CNTNAP2: variants seen among roughly 807,000 people sequenced by gnomAD.
CNTNAP2 encodes the protein contactin associated protein 2, also known as contactin-associated protein-like 2.
Under a neutral mutation model 155.2 loss-of-function variants are expected in CNTNAP2, and 98 were observed. The observed-to-expected ratio is 0.63, with a 90% CI of 0.54 to 0.75. The LOEUF (loss-of-function observed/expected upper bound fraction) is 0.75, where lower values mean the gene tolerates loss of function less well. Among genes scored for constraint, CNTNAP2 ranks in the 30% least tolerant of loss-of-function variants. The pLI is 0.00. For missense variants in CNTNAP2, 1,727 were observed against 1,688.1 expected (o/e 1.02, Z -0.40); for synonymous variants, 651 against 631.2 (o/e 1.03, Z -0.47).
intron 8 of CNTNAP2, among the ~76,000 whole-genome samples, chr7:147,232,507 G>C (rs1208883093): frequency 6.6e-6 from 1 of 151,850 alleles, no homozygotes; most frequent in Non-Finnish European, 1.5e-5. Flanking sequence ...TACAACAAAA[G>C]AGAGAGCCTA....
chr7:147,022,447 G>A (rs749155459), intron 3 of CNTNAP2, among the ~76,000 whole-genome samples: 1 of 151,998 alleles, frequency 6.6e-6, no homozygotes, highest in Non-Finnish European at 1.5e-5. Context: ...CTATGCAGAA[G>A]TGTTCAGGGT....
chr7:148,321,572 G>T (rs1448438075), intron 21 of CNTNAP2, among the ~76,000 whole-genome samples: 1 of 152,180 alleles, frequency 6.6e-6, no homozygotes, highest in African/African-American at 2.4e-5. Context: ...TACATATATT[G>T]TATCCAAAAT....
In CNTNAP2 at chr7:146,665,783, T is replaced by TA. The variant is rs750837961; in HGVS notation, c.98-108473dup. ...GCTATGGAGTGAGACTCTGTCTCAT[T>TA]AAAAAAAAAAAAAAATACATTTTGT... On this transcript the variant is annotated intron_variant, in intron 1 of 23. Coordinates refer to ENST00000361727, the MANE Select transcript of CNTNAP2 (RefSeq NM_014141.6). Among the ~76,000 whole-genome samples, 142 of 48,294 alleles carry TA rather than the reference T, an allele frequency of 2.9e-3. 24 individuals are homozygous for TA. Among genetic ancestry groups the TA allele is most frequent in the African/African-American group, 3.1e-3 (27 of 8,848 alleles). The allele number at this position is 48,294 out of a possible 152,430, so 31.7% of individuals were successfully genotyped here.
chr7:147,515,329 G>A (rs10952691), intron 11 of CNTNAP2, among the ~76,000 whole-genome samples: 2 of 134,390 alleles, frequency 1.5e-5, no homozygotes, highest in African/African-American at 5.4e-5. Context: ...TTCTTTTTTT[G>A]TTTGTTTGTT....
At chr7:147,879,992 A>C (rs1423876704) in intron 13 of CNTNAP2, among the ~76,000 whole-genome samples, 1 of 152,232 alleles carries the variant, frequency 6.6e-6, no homozygotes, top group East Asian at 1.9e-4. Context: ...GGAAAAAATG[A>C]AATTGAAAAC....
At chr7:148,338,831 G>A (rs1310405952) in intron 21 of CNTNAP2, among the ~76,000 whole-genome samples, 1 of 152,072 alleles carries the variant, frequency 6.6e-6, no homozygotes, top group Non-Finnish European at 1.5e-5. Context: ...AGACGGAGAA[G>A]GAGGAGAAGG....
chr7:146,621,740 C>T (rs1045606857), intron 1 of CNTNAP2, among the ~76,000 whole-genome samples: 14 of 152,114 alleles, frequency 9.2e-5, no homozygotes, highest in Admixed American at 4.6e-4. Flanking sequence ...TGTTAGTTTT[C>T]TCTACTGCAG....
chr7:146,954,339 A>G (rs1797388494), intron 3 of CNTNAP2, among the ~76,000 whole-genome samples: 1 of 151,944 alleles, frequency 6.6e-6, no homozygotes, highest in Admixed American at 6.6e-5. Context: ...AATGCAATCA[A>G]TGTAATGGAA....
intron 1 of CNTNAP2, among the ~76,000 whole-genome samples, chr7:146,277,046 G>C (rs1050599483): frequency 3.9e-5 from 6 of 152,122 alleles, no homozygotes; most frequent in African/African-American, 1.4e-4. Context: ...TCCAATGAGC[G>C]TGTCTTTATG....
chr7:148,078,173 C>T (rs1803531807), intron 15 of CNTNAP2, among the ~76,000 whole-genome samples: 1 of 152,022 alleles, frequency 6.6e-6, no homozygotes, highest in Non-Finnish European at 1.5e-5. Flanking sequence ...AAGCGATTCT[C>T]ATGCCTCAGC....
intron 21 of CNTNAP2, among the ~76,000 whole-genome samples, chr7:148,344,440 C>A (rs140960414): frequency 4.6e-4 from 70 of 152,302 alleles, no homozygotes; most frequent in Non-Finnish European, 9.1e-4. Flanking sequence ...TATAAAAGCA[C>A]CTTGCCCCAT....
At chr7:147,471,623 CT>C (rs1396441543) in intron 10 of CNTNAP2, among the ~76,000 whole-genome samples, 2 of 152,190 alleles carry the variant, frequency 1.3e-5, no homozygotes, top group Non-Finnish European at 2.9e-5. Flanking sequence ...AAAAGTGGTT[CT>C]GACAGCCATT....
intron 18 of CNTNAP2, among the ~76,000 whole-genome samples, chr7:148,189,195 T>C (rs1250845568): frequency 1.3e-5 from 2 of 152,220 alleles, no homozygotes; most frequent in Non-Finnish European, 2.9e-5. Flanking sequence ...TTTTTTTTAT[T>C]TTTATGAAGA....
chr7:146,154,401 C>A (rs1397485278), intron 1 of CNTNAP2, among the ~76,000 whole-genome samples: 1 of 152,160 alleles, frequency 6.6e-6, no homozygotes, highest in Non-Finnish European at 1.5e-5. Context: ...TTTGTTTCAT[C>A]ATATGCACCA....
At chr7:147,909,883 C>T (rs918073861) in intron 14 of CNTNAP2, among the ~76,000 whole-genome samples, 2 of 151,864 alleles carry the variant, frequency 1.3e-5, no homozygotes, top group Non-Finnish European at 2.9e-5. Context: ...AAGCCGTTAG[C>T]ACAGTCTTTG....
At chr7:147,572,166 G>A (rs1170524264) in intron 12 of CNTNAP2, among the ~76,000 whole-genome samples, 2 of 150,006 alleles carry the variant, frequency 1.3e-5, no homozygotes, top group African/African-American at 4.9e-5. Context: ...CACTCCCAAA[G>A]ACTCCCTTCT....
chr7:146,196,579 GAGAA>G (rs887092121), intron 1 of CNTNAP2, among the ~76,000 whole-genome samples: 2 of 151,340 alleles, frequency 1.3e-5, no homozygotes, highest in Non-Finnish European at 2.9e-5. Flanking sequence ...GAGAGAGAGA[GAGAA>G]AGAGAGAGAG....
intron 15 of CNTNAP2, among the ~76,000 whole-genome samples, chr7:148,020,726 T>A (rs1350672103): frequency 6.6e-6 from 1 of 152,244 alleles, no homozygotes; most frequent in African/African-American, 2.4e-5. Context: ...CCAAAGCAAC[T>A]GTATCTTCCT....
chr7:146,364,406 C>T (rs985579000), intron 1 of CNTNAP2, among the ~76,000 whole-genome samples: 2 of 152,126 alleles, frequency 1.3e-5, no homozygotes, highest in South Asian at 2.1e-4. Flanking sequence ...ATGCAGTTCT[C>T]TTCACTCCTA....
Sources: gnomAD v4.1 joint callset for allele counts (sites outside exome capture counted in the v4.1 genomes callset) on GRCh38, gnomAD v4.1.1 for gene constraint, MANE v1.5 for transcripts, NCBI Gene and HGNC (gene_info 2026-07-23, HGNC 2026-07-21) for gene names.